The following TANC1 variants were observed in gnomAD, a reference collection of about 807,000 sequenced individuals.
TANC1 encodes the protein protein TANC1.
In TANC1, 77 loss-of-function variants were observed where a neutral mutation model predicts 149.7. The observed-to-expected ratio is 0.51, with a 90% CI of 0.43 to 0.62. The LOEUF (loss-of-function observed/expected upper bound fraction) is 0.62. Among genes scored for constraint, TANC1 ranks in the 20% least tolerant of loss-of-function variants. The pLI is 0.00. For synonymous variants in TANC1, 854 were observed against 925.0 expected (o/e 0.92, Z 1.39); for missense variants, 1,985 against 2,321.8 (o/e 0.85, Z 2.98).
In TANC1 at chr2:159,230,950, G is replaced by A. The variant is rs1312987204; in HGVS notation, c.5524G>A (p.Ala1842Thr). ...ACAGCAGCCTCATATTAGTAATGAA[G>A]CCCACAGGAGCCACCTCACTGCAGC... ...SKQQPHISNE[A>T]HRSHLTAAKP... Residue 1842 changes from alanine (A) to threonine (T), a missense_variant, in exon 27 of 27, where the codon GCC becomes ACC. Physicochemically the swap from Ala to Thr is moderately conservative, Grantham distance 58 (BLOSUM62 0). This residue lies in a region of TANC1 where 920 missense variants were observed against 994.7 expected (regional missense o/e 0.92). Coordinates refer to ENST00000263635, the MANE Select transcript of TANC1 (RefSeq NM_033394.3). The surrounding 1 kb of genome is among the most constrained non-coding windows in gnomAD (Gnocchi z 4.4). 3 of 1,613,996 alleles carry A rather than the reference G, an allele frequency of 1.9e-6. No individual in the cohort carries two copies. Among genetic ancestry groups the A allele is most frequent in the Non-Finnish European group, 2.5e-6 (3 of 1,180,050 alleles).
At chr2:159,087,235 T>C (rs1004553897) in intron 3 of TANC1, among the ~76,000 whole-genome samples, 7 of 152,220 alleles carry the variant, frequency 4.6e-5, no homozygotes, top group Admixed American at 2.0e-4. Flanking sequence ...CAGTTTCTTA[T>C]ATTTTTTAAA....
chr2:159,102,516 A>ACTC (rs1477913625), intron 4 of TANC1, among the ~76,000 whole-genome samples: 3 of 127,284 alleles, frequency 2.4e-5, no homozygotes, highest in Non-Finnish European at 5.1e-5. Context: ...TTGGTCTTGA[A>ACTC]CTCCTGGCCT....
chr2:159,115,176 G>C (rs1044475593), intron 4 of TANC1, among the ~76,000 whole-genome samples: 1 of 150,050 alleles, frequency 6.7e-6, no homozygotes, highest in Non-Finnish European at 1.5e-5. Flanking sequence ...GTAAGGGTGT[G>C]TGTGTGTGTG....
chr2:159,222,889 C>A (rs552718818), intron 22 of TANC1, among the ~76,000 whole-genome samples: 1 of 152,212 alleles, frequency 6.6e-6, no homozygotes, highest in East Asian at 1.9e-4. Context: ...TGTTCCACAT[C>A]GTCACCAATA....
intron 20 of TANC1, among the ~76,000 whole-genome samples, chr2:159,218,911 C>T (rs796435630): frequency 2.4e-4 from 37 of 152,306 alleles, no homozygotes; most frequent in African/African-American, 8.7e-4. Flanking sequence ...AGTTATGCTT[C>T]ATTCTCCCAC....
intron 2 of TANC1, among the ~76,000 whole-genome samples, chr2:159,022,145 C>T (rs1200572563): frequency 6.6e-6 from 1 of 152,210 alleles, no homozygotes; most frequent in East Asian, 1.9e-4. Context: ...TCATTGCACG[C>T]TGTTGAAGGC....
At chr2:159,220,394 G>A (rs1032813386) in intron 22 of TANC1, among the ~76,000 whole-genome samples, 4 of 151,172 alleles carry the variant, frequency 2.6e-5, no homozygotes, top group East Asian at 2.0e-4. Context: ...TGCAACTTCC[G>A]CCTCCTGGGT....
intron 3 of TANC1, among the ~76,000 whole-genome samples, chr2:159,075,981 TG>T (rs1184430189): frequency 6.6e-6 from 1 of 152,216 alleles, no homozygotes; most frequent in African/African-American, 2.4e-5. Flanking sequence ...GGGGTATTTG[TG>T]GGTTTTAGTA....
chr2:159,002,678 G>C (rs556444558), intron 2 of TANC1, among the ~76,000 whole-genome samples: 3 of 152,206 alleles, frequency 2.0e-5, no homozygotes, highest in South Asian at 4.2e-4. Context: ...TGCTGAGGAG[G>C]GAAATGCCCT....
chr2:159,192,508 G>A (rs557491127), intron 16 of TANC1, among the ~76,000 whole-genome samples: 1 of 152,218 alleles, frequency 6.6e-6, no homozygotes, highest in East Asian at 1.9e-4. Context: ...GTTAAACAGT[G>A]ATTTTTCAAA....
intron 7 of TANC1, among the ~76,000 whole-genome samples, chr2:159,161,050 G>C (rs2053999524): frequency 6.6e-6 from 1 of 152,014 alleles, no homozygotes; most frequent in African/African-American, 2.4e-5. Context: ...CCTTCCACCT[G>C]TCCTGCCATC....
At chr2:159,180,491 G>T (rs1468643955) in intron 14 of TANC1, among the ~76,000 whole-genome samples, 1 of 152,212 alleles carries the variant, frequency 6.6e-6, no homozygotes, top group Non-Finnish European at 1.5e-5. Flanking sequence ...GGGCATTGAG[G>T]TTATGTAGCC....
intron 25 of TANC1, 200 bp from the exon 26 acceptor site, chr2:159,228,596 A>G: frequency 1.8e-6 from 1 of 548,134 alleles, no homozygotes; most frequent in East Asian, 3.1e-5. Context: ...CACTGTTTTC[A>G]TAGTGGATTC....
At chr2:159,054,332 G>T (rs189576846) in intron 2 of TANC1, among the ~76,000 whole-genome samples, 105 of 152,310 alleles carry the variant, frequency 6.9e-4, no homozygotes, top group Non-Finnish European at 5.9e-5. Flanking sequence ...TGCATGGTAA[G>T]TGCTTAGAAC....
At chr2:159,132,102 T>C (rs927935954) in intron 4 of TANC1, among the ~76,000 whole-genome samples, 2 of 152,134 alleles carry the variant, frequency 1.3e-5, no homozygotes, top group African/African-American at 4.8e-5. Flanking sequence ...TAGACCAGGG[T>C]GTGAATTCCT....
intron 2 of TANC1, among the ~76,000 whole-genome samples, chr2:159,006,660 C>G (rs1052440077): frequency 2.0e-5 from 3 of 152,196 alleles, no homozygotes; most frequent in African/African-American, 7.2e-5. Context: ...ATCTTTTACT[C>G]TCTTTTAAGA....
chr2:159,012,871 G>A (rs2037903959), intron 2 of TANC1, among the ~76,000 whole-genome samples: 1 of 152,178 alleles, frequency 6.6e-6, no homozygotes, highest in South Asian at 2.1e-4. Flanking sequence ...GTGGGGGGAT[G>A]TAGGAGGCTA....
intron 19 of TANC1, among the ~76,000 whole-genome samples, chr2:159,206,545 T>C (rs1022387556): frequency 6.6e-6 from 1 of 152,238 alleles, no homozygotes; most frequent in Admixed American, 6.5e-5. Flanking sequence ...ACCACCTTCA[T>C]CAAGCTGTTC....
Position 159,228,841 on chromosome 2 carries a change from A to C in TANC1, c.4096A>C (p.Lys1366Gln), listed in dbSNP as rs2060175742. The change falls in exon 26 of 27, where the codon AAG (lysine) becomes CAG (glutamine). Residue 1366 changes from lysine to glutamine, a missense_variant. By Grantham distance (53) the Lys-to-Gln change is moderately conservative (BLOSUM62 1). Around this residue, in one of 3 missense-constraint regions of TANC1, gnomAD observed 920 missense variants for 994.7 expected, o/e 0.92. Coordinates refer to ENST00000263635, the MANE Select transcript of TANC1 (RefSeq NM_033394.3). ...EEFASKALEL[K>Q]PKSYEAFYAR... ...ATTTGCTTCCAAGGCTCTCGAATTG[A>C]AGCCCAAGTCCTATGAAGCCTTTTA... is the stretch of plus-strand genomic sequence containing the variant. 1.2e-6 allele frequency: 2 copies of C among 1,614,032 alleles called. No individual in the cohort carries two copies. The highest frequency in any genetic ancestry group is 2.2e-5 in the South Asian group (2 of 91,074).
Sources: gnomAD v4.1 joint callset for allele counts (sites outside exome capture counted in the v4.1 genomes callset) on GRCh38, gnomAD v4.1.1 for gene constraint, gnomAD v4.1.1 regional missense constraint, Gnocchi (gnomAD v3.1) non-coding constraint, MANE v1.5 for transcripts, NCBI Gene and HGNC (gene_info 2026-07-23, HGNC 2026-07-21) for gene names.